Variants in FHIT observed in about 807,000 individuals in gnomAD.
The protein encoded by FHIT is bis(5'-adenosyl)-triphosphatase.
A neutral mutation model predicts 17.9 loss-of-function variants in FHIT; 19 were observed. The observed-to-expected ratio is 1.06, with a 90% confidence interval of 0.74 to 1.56. The LOEUF is 1.56. Among genes scored for constraint, FHIT ranks in the 40% most tolerant of loss-of-function variants. FHIT has a pLI of 0.00. For synonymous variants in FHIT, 81 were observed against 69.7 expected, an observed-to-expected ratio of 1.16 and a Z score of -0.81; for missense variants, 248 against 189.2, an observed-to-expected ratio of 1.31 and a Z score of -1.82.
chr3:61,085,421 T>C (rs1367044303), intron 2 of FHIT, among the ~76,000 whole-genome samples: 1 of 152,178 alleles, frequency 6.6e-6, no homozygotes, highest in Admixed American at 6.5e-5. Flanking sequence ...TTCCTGGTGA[T>C]GATAAGCATT....
intron 3 of FHIT, among the ~76,000 whole-genome samples, chr3:61,037,934 C>G (rs1442610623): frequency 1.3e-5 from 2 of 152,110 alleles, no homozygotes; most frequent in African/African-American, 2.4e-5. Flanking sequence ...TTGCGTAGGA[C>G]AAATCTAAGT....
chr3:59,823,581 G>C (rs1362482838), intron 8 of FHIT, among the ~76,000 whole-genome samples: 1 of 150,986 alleles, frequency 6.6e-6, no homozygotes, highest in African/African-American at 2.5e-5. Context: ...CACAAAAACA[G>C]AATTAAAAAA....
At chr3:60,274,702 C>A (rs1707037302) in intron 5 of FHIT, among the ~76,000 whole-genome samples, 1 of 152,124 alleles carries the variant, frequency 6.6e-6, no homozygotes, top group African/African-American at 2.4e-5. Flanking sequence ...AAGATATAGT[C>A]TCTTGGACTC....
At chr3:59,759,282 T>C (rs78081793) in intron 8 of FHIT, among the ~76,000 whole-genome samples, 1 of 151,480 alleles carries the variant, frequency 6.6e-6, no homozygotes, top group East Asian at 1.9e-4. Flanking sequence ...GATGAGAAGA[T>C]AGGCAAGGAA....
intron 2 of FHIT, among the ~76,000 whole-genome samples, chr3:61,045,415 G>C (rs2033734255): frequency 6.6e-6 from 1 of 152,124 alleles, no homozygotes; most frequent in Non-Finnish European, 1.5e-5. Flanking sequence ...ATGGTAAAGG[G>C]ATCAATTCAA....
chr3:61,055,548 T>C (rs1416195860), intron 2 of FHIT, among the ~76,000 whole-genome samples: 2 of 152,302 alleles, frequency 1.3e-5, no homozygotes, highest in African/African-American at 2.4e-5. Context: ...CAAGATACTG[T>C]GGAAGAGAAG....
chr3:60,696,688 T>C (rs1553700725), intron 4 of FHIT, among the ~76,000 whole-genome samples: 1 of 152,184 alleles, frequency 6.6e-6, no homozygotes, highest in African/African-American at 2.4e-5. Flanking sequence ...TAAATGTCAC[T>C]AGATAAAATT....
intron 7 of FHIT, among the ~76,000 whole-genome samples, chr3:59,971,878 G>A (rs1427083756): frequency 1.3e-5 from 2 of 152,190 alleles, no homozygotes; most frequent in African/African-American, 4.8e-5. Context: ...CAAGTTAAAT[G>A]GCAACAAAAT....
intron 5 of FHIT, among the ~76,000 whole-genome samples, chr3:60,308,918 C>A (rs1708810787): frequency 6.6e-6 from 1 of 152,134 alleles, no homozygotes; most frequent in Non-Finnish European, 1.5e-5. Context: ...ATACTGTTAT[C>A]CACAGCTGGG....
At chr3:59,940,791 A>ATT (rs1706475247) in intron 7 of FHIT, among the ~76,000 whole-genome samples, 1 of 152,176 alleles carries the variant, frequency 6.6e-6, no homozygotes, top group African/African-American at 2.4e-5. Flanking sequence ...TAATACATGA[A>ATT]AACCTCTTAG....
intron 4 of FHIT, among the ~76,000 whole-genome samples, chr3:60,552,355 C>A (rs1459902905): frequency 6.6e-6 from 1 of 152,168 alleles, no homozygotes; most frequent in Non-Finnish European, 1.5e-5. Context: ...AGTGAAACTG[C>A]TGGATCATGT....
intron 4 of FHIT, chr3:60,690,715 A>T: frequency 2.3e-6 from 1 of 432,068 alleles, no homozygotes; most frequent in Middle Eastern, 3.8e-4. Flanking sequence ...AGTGGGGTTG[A>T]CCATAGCTGG....
At chr3:60,663,000 A>G (rs1250759412) in intron 4 of FHIT, among the ~76,000 whole-genome samples, 1 of 151,306 alleles carries the variant, frequency 6.6e-6, no homozygotes, top group South Asian at 2.1e-4. Context: ...GACTTCCTTC[A>G]TTAAGTTGCT....
At chr3:59,821,993 C>T (rs1465565306) in intron 8 of FHIT, among the ~76,000 whole-genome samples, 1 of 152,144 alleles carries the variant, frequency 6.6e-6, no homozygotes, top group Non-Finnish European at 1.5e-5. Context: ...TTGTATTATT[C>T]TTATGCCTTT....
chr3:60,105,861 G>C (rs1334849161), intron 5 of FHIT, among the ~76,000 whole-genome samples: 7 of 152,130 alleles, frequency 4.6e-5, no homozygotes, highest in Admixed American at 4.6e-4. Context: ...TTAGTAATGA[G>C]AGATGAATTT....
intron 3 of FHIT, among the ~76,000 whole-genome samples, chr3:60,960,659 C>G (rs1470267011): frequency 1.3e-5 from 2 of 152,104 alleles, no homozygotes; most frequent in African/African-American, 4.8e-5. Context: ...TTGTTCAATT[C>G]CCACCTATGA....
intron 2 of FHIT, among the ~76,000 whole-genome samples, chr3:61,195,699 A>C (rs550004779): frequency 1.3e-5 from 2 of 152,214 alleles, no homozygotes; most frequent in African/African-American, 4.8e-5. Flanking sequence ...ATAATGATTA[A>C]GAATGCAGGC....
At chr3:59,898,061 C>T (rs540718475) in intron 8 of FHIT, among the ~76,000 whole-genome samples, 1 of 152,114 alleles carries the variant, frequency 6.6e-6, no homozygotes, top group Non-Finnish European at 1.5e-5. Flanking sequence ...GCCACGGTGC[C>T]CAGCCCAAAA....
At chr3:59,903,052 G>A (rs1704407356) in intron 8 of FHIT, among the ~76,000 whole-genome samples, 1 of 152,142 alleles carries the variant, frequency 6.6e-6, no homozygotes, top group Admixed American at 6.5e-5. Flanking sequence ...TCATCACACA[G>A]TATATCTTAA....
Sources: gnomAD v4.1 joint callset for allele counts (sites outside exome capture counted in the v4.1 genomes callset) on GRCh38, gnomAD v4.1.1 for gene constraint, MANE v1.5 for transcripts, NCBI Gene and HGNC (gene_info 2026-07-23, HGNC 2026-07-21) for gene names.